The following BEND3 variants were observed in gnomAD, a reference collection of about 807,000 sequenced individuals.
The protein encoded by BEND3 is BEN domain containing 3.
In BEND3, 13 loss-of-function variants were observed where a neutral mutation model predicts 60.1. That is an observed-to-expected ratio of 0.22 (90% confidence interval 0.14 to 0.34). The LOEUF (loss-of-function observed/expected upper bound fraction) is 0.34. BEND3 is among the 10% of genes least tolerant of loss of function. The probability of loss-of-function intolerance (pLI) is 1.00; values close to 1 mark genes in which losing one functional copy is unlikely to be tolerated. For synonymous variants in BEND3, 497 were observed against 491.5 expected, an observed-to-expected ratio of 1.01 and a Z score of -0.15; for missense variants, 896 against 1,138.1, an observed-to-expected ratio of 0.79 and a Z score of 3.06.
chr6:107,070,441 G>T lies in BEND3; in HGVS notation c.750C>A (p.Ala250=). 4 of 1,614,086 alleles carry T rather than the reference G, an allele frequency of 2.5e-6. No homozygotes were observed. The highest frequency in any genetic ancestry group is 3.4e-6 in the Non-Finnish European group (4 of 1,180,036). ...GGTCCACGATCTGCTTGAGCTCTGC[G>T]GCTGTGAGCTGGTACTCAGGGGGCG... ...FQPPPEYQLT[A]AELKQIVDQS... is the part of the protein sequence containing the mutation. Residue 250 remains alanine, a synonymous_variant, in exon 4 of 4, where the codon GCC becomes GCA. Coordinates refer to ENST00000369042, the MANE Select transcript of BEND3 (RefSeq NM_001367314.1). This position sits in a 1 kb window ranked among gnomAD's most constrained non-coding sequence, Gnocchi z 6.9.
rs782466085 is a variant in BEND3, at chr6:107,069,167, A to T, written c.2024T>A (p.Ile675Asn). The T allele has an allele frequency of 1.2e-6, 2 of 1,612,514 alleles. No homozygotes were observed. Among genetic ancestry groups the T allele is most frequent in the Non-Finnish European group, 1.7e-6 (2 of 1,180,010 alleles). Reference protein sequence around the residue: ...PECRDLTSYAINPERFREEFE... With the variant: ...PECRDLTSYANNPERFREEFE... The stretch of plus-strand genomic sequence containing the variant: ...CTCCTCCCGGAACCTCTCGGGGTTG[A>T]TTGCATAGCTGGTCAAGTCTCTGCA... The change falls in exon 4 of 4, where the codon ATC (isoleucine) becomes AAC (asparagine). Residue 675 changes from isoleucine to asparagine, a missense_variant. By Grantham distance (149) the Ile-to-Asn change is moderately radical. Transcript: ENST00000369042.
At chr6:107,087,513 C>T (rs377032579) in intron 3 of BEND3, among the ~76,000 whole-genome samples, 3 of 152,156 alleles carry the variant, frequency 2.0e-5, no homozygotes, top group Admixed American at 6.6e-5. Flanking sequence ...CCGAGGCCGG[C>T]GGATCACGAG....
chr6:107,099,221 T>C, intron 2 of BEND3, 28 bp downstream of exon 2: 1 of 1,573,506 alleles, frequency 6.4e-7, no homozygotes, highest in South Asian at 1.1e-5. Flanking sequence ...GTTAAAAACA[T>C]TTTTCAAAAA....
chr6:107,068,788 A>G lies in BEND3; in HGVS notation c.2403T>C (p.Cys801=). 6.2e-7 allele frequency: 1 copy of G among 1,614,100 alleles called. No individual in the cohort carries two copies. Among genetic ancestry groups the G allele is most frequent in the Non-Finnish European group, 8.5e-7 (1 of 1,180,036 alleles). ...EKMEEVWHYE[C]IPSIDERCRR... ...GGCACCTCTCATCGATGCTGGGGATACATTCGTAGTGCCACACCTCCTCCA... is the reference window on the plus strand; with the variant it reads ...GGCACCTCTCATCGATGCTGGGGATGCATTCGTAGTGCCACACCTCCTCCA... The change falls in exon 4 of 4, where the codon TGT becomes TGC. Residue 801 remains cysteine, a synonymous_variant. Transcript: ENST00000369042. This position sits in a 1 kb window ranked among gnomAD's most constrained non-coding sequence, Gnocchi z 5.8.
rs1319713478 is a variant in BEND3 at position 107,083,045 on chromosome 6, C to T, written c.241-12095G>A. On this transcript the variant is annotated intron_variant, in intron 3 of 3. Transcript: ENST00000369042. The stretch of plus-strand genomic sequence containing the variant: ...GGGTTGATGTATGGGGATGTTTTCC[C>T]GGCATTACTTGTAATAATATAAAAT... Among the ~76,000 whole-genome samples, 15 of 152,118 alleles carry T rather than the reference C, an allele frequency of 9.9e-5. No individual in the cohort carries two copies. In the East Asian group the frequency reaches 2.7e-3, roughly 27 times the overall value.
chr6:107,069,836 C>A lies in BEND3; in HGVS notation c.1355G>T (p.Arg452Leu). 6.2e-7 allele frequency: 1 copy of A among 1,613,528 alleles called. No homozygotes were observed. The highest frequency in any genetic ancestry group is 8.5e-7 in the Non-Finnish European group (1 of 1,179,926). Residue 452 changes from arginine to leucine, a missense_variant, in exon 4 of 4, where the codon CGC (arginine) becomes CTC (leucine). Physicochemically the swap from Arg to Leu is moderately radical, Grantham distance 102. Transcript: ENST00000369042. ...AGGGAAGTAGATCTCCGTGTAGTTGCGGATGATCTGCAGCCGCTGCGGGTC... is the reference window on the plus strand; with the variant it reads ...AGGGAAGTAGATCTCCGTGTAGTTGAGGATGATCTGCAGCCGCTGCGGGTC... ...ELDPQRLQIIRNYTEIYFPDM... is the reference protein window; with the variant it reads ...ELDPQRLQIILNYTEIYFPDM...
At chr6:107,086,608 G>GTCTTAAAAAAAAGACAGACCAAA (rs1775353985) in intron 3 of BEND3, among the ~76,000 whole-genome samples, 1 of 151,770 alleles carries the variant, frequency 6.6e-6, no homozygotes, top group Non-Finnish European at 1.5e-5. Flanking sequence ...GCAAGACTCC[G>GTCTTAAAAAAAAGACAGACCAAA]TCTTAAAAAA....
rs1360485514 is a variant in BEND3 at position 107,070,513 on chromosome 6, G to A, written c.678C>T (p.Arg226=). 6.2e-6 allele frequency: 10 copies of A among 1,614,008 alleles called. No individual in the cohort carries two copies. Among genetic ancestry groups the A allele is most frequent in the Non-Finnish European group, 8.5e-6 (10 of 1,180,042 alleles). The change falls in exon 4 of 4, where the codon CGC becomes CGT. Residue 226 remains arginine, a synonymous_variant. Transcript: ENST00000369042. The surrounding 1 kb of genome is among the most constrained non-coding windows in gnomAD (Gnocchi z 6.9). ...CAGTGGGGCTCACCTGCTTCTTGAT[G>A]CGGCTCACCTCAAGGGAGAGCAGGT... ...KVDLLSLEVS[R]IKKQVSPTEM...
rs1362315822 is a variant in BEND3, at chr6:107,069,888, A to T, written c.1303T>A (p.Tyr435Asn). The change falls in exon 4 of 4, where the codon TAC becomes AAC. Residue 435 changes from tyrosine to asparagine, a missense_variant. By Grantham distance (143) the Tyr-to-Asn change is moderately radical. Around this residue, in one of 4 missense-constraint regions of BEND3, gnomAD observed 846 missense variants for 1,036.7 expected, o/e 0.82. Coordinates refer to ENST00000369042, the MANE Select transcript of BEND3 (RefSeq NM_001367314.1). ...HRKLGEQYSC[Y>N]GDGGKQELDP... ...AGCTCCTGCTTTCCACCGTCCCCGT[A>T]GCAGCTGTACTGTTCACCCAGCTTG... 3.1e-6 allele frequency: 5 copies of T among 1,613,672 alleles called. No homozygotes were observed. The African/African-American group carries it at 6.7e-5, about 22-fold the overall frequency.
chr6:107,091,767 G>A (rs782489408), intron 3 of BEND3, among the ~76,000 whole-genome samples: 5 of 152,118 alleles, frequency 3.3e-5, no homozygotes, highest in Non-Finnish European at 7.4e-5. Flanking sequence ...TCAGAAAACA[G>A]AAGTAGAGAA....
At chr6:107,098,501 T>A in intron 3 of BEND3, 50 bp downstream of exon 3, 2 of 1,578,966 alleles carry the variant, frequency 1.3e-6, no homozygotes, top group Non-Finnish European at 1.7e-6. Context: ...CAGCATGGAA[T>A]CAGAGAGGGT....
intron 3 of BEND3, among the ~76,000 whole-genome samples, chr6:107,085,872 C>T (rs1554234165): frequency 2.6e-5 from 4 of 151,152 alleles, no homozygotes; most frequent in South Asian, 2.1e-4. Context: ...CCGCAAGCTC[C>T]GCCTCCTGAG....
intron 1 of BEND3, among the ~76,000 whole-genome samples, chr6:107,099,808 A>T (rs1272578325): frequency 6.6e-6 from 1 of 152,194 alleles, no homozygotes. Context: ...GAGATGTGCT[A>T]TAAGTGTAAA....
In BEND3 at chr6:107,070,397, TC is replaced by T; in HGVS notation, c.793del (p.Asp265ThrfsTer54). The T allele has an allele frequency of 6.2e-7, 1 of 1,613,502 alleles. No individual in the cohort carries two copies. Among genetic ancestry groups the T allele is most frequent in the Non-Finnish European group, 8.5e-7 (1 of 1,179,938 alleles). On this transcript the variant is annotated frameshift_variant, in exon 4 of 4. Transcript: ENST00000369042. LOFTEE classifies it high-confidence loss of function. This position sits in a 1 kb window ranked among gnomAD's most constrained non-coding sequence, Gnocchi z 6.9. ...CTGCACCAGCAAGCGGCAGGCCAGG[TC>T]CCCCCCTGACAGGCTCTGGTCCACG... The part of the protein sequence containing the change: ...QIVDQSLSGG[D>X]LACRLLVQLF...
At chr6:107,107,424 C>CT (rs34112086) in intron 1 of BEND3, among the ~76,000 whole-genome samples, 58,759 of 146,938 alleles carry the variant, frequency 0.4, 13,378 homozygotes, top group Middle Eastern at 0.67. Flanking sequence ...TATAAAGCTT[C>CT]TTTTTTTTTT....
chr6:107,114,299 C>G (rs1162347047), intron 1 of BEND3: 1 of 152,124 alleles, frequency 6.6e-6, no homozygotes, highest in African/African-American at 2.4e-5. Context: ...TGCGGCCGGC[C>G]GGCCAGGCCT....
chr6:107,074,988 C>G (rs1180796866), intron 3 of BEND3, among the ~76,000 whole-genome samples: 1 of 151,978 alleles, frequency 6.6e-6, no homozygotes. Context: ...GTAGTCCCAG[C>G]TACTCAGGAG....
At position 107,111,818 on chromosome 6, in the gene BEND3, C is replaced by A. The variant is rs188661040; in HGVS notation, c.-12+3272G>T. ...CCAATAAGGTGAAACCCCATCTCTA[C>A]TAAAAATACAAAAATTAGATGGGTG... On this transcript the variant is annotated intron_variant, in intron 1 of 3. Transcript: ENST00000369042. Among the ~76,000 whole-genome samples, 247 of 152,002 alleles carry A rather than the reference C, an allele frequency of 1.6e-3. 2 individuals carry two copies. Among genetic ancestry groups the A allele is most frequent in the South Asian group, 0.011 (54 of 4,814 alleles).
chr6:107,109,216 G>A (rs1383378964), intron 1 of BEND3, among the ~76,000 whole-genome samples: 5 of 151,718 alleles, frequency 3.3e-5, no homozygotes, highest in Non-Finnish European at 5.9e-5. Flanking sequence ...TTGGGAGGCC[G>A]AGGTGGGAAG....
Sources: allele counts gnomAD v4.1 joint callset (sites outside exome capture counted in the v4.1 genomes callset), GRCh38; gene constraint gnomAD v4.1.1; regional missense constraint gnomAD v4.1.1; non-coding constraint Gnocchi (gnomAD v3.1); transcripts MANE v1.5; gene names NCBI Gene and HGNC (gene_info 2026-07-23, HGNC 2026-07-21).